TMEM232: variants seen among roughly 807,000 people sequenced by gnomAD.
TMEM232 encodes transmembrane protein 232.
TMEM232 carries 80 observed loss-of-function variants against 78.8 expected under a neutral mutation model. That is an observed-to-expected ratio of 1.01 (90% CI 0.85 to 1.22). The LOEUF is 1.22. Among genes scored for constraint, TMEM232 ranks in the 50% most tolerant of loss-of-function variants. TMEM232 has a pLI of 0.00. For synonymous variants in TMEM232, 297 were observed against 254.3 expected (o/e 1.17, Z -1.60); for missense variants, 881 against 742.2 (o/e 1.19, Z -2.17).
intron 1 of TMEM232, among the ~76,000 whole-genome samples, chr5:110,686,280 C>G (rs912850165): frequency 2.0e-5 from 3 of 151,984 alleles, no homozygotes; most frequent in African/African-American, 7.3e-5. Context: ...CAGTTTGCTC[C>G]TGGGTCTCTT....
At chr5:110,387,626 A>G (rs1467956380) in intron 5 of TMEM232, 2 of 152,218 alleles carry the variant, frequency 1.3e-5, no homozygotes, top group Non-Finnish European at 2.9e-5. Flanking sequence ...TGGAAAGAAT[A>G]GATTAAATAT....
intron 12 of TMEM232, among the ~76,000 whole-genome samples, chr5:110,501,100 T>G (rs1268373924): frequency 6.6e-6 from 1 of 152,206 alleles, no homozygotes; most frequent in Non-Finnish European, 1.5e-5. Flanking sequence ...GAAAGTGACA[T>G]TCTTCCCATT....
chr5:110,445,175 T>C (rs1206644750), intron 12 of TMEM232, among the ~76,000 whole-genome samples: 1 of 152,064 alleles, frequency 6.6e-6, no homozygotes, highest in Non-Finnish European at 1.5e-5. Flanking sequence ...CTGATTGCCT[T>C]CTACATTTTA....
chr5:110,460,401 G>A (rs1423828105), intron 12 of TMEM232, among the ~76,000 whole-genome samples: 1 of 151,942 alleles, frequency 6.6e-6, no homozygotes, highest in East Asian at 1.9e-4. Context: ...GTATATGGAT[G>A]CTCTCTATAG....
At chr5:110,587,911 G>A (rs1251695851) in intron 10 of TMEM232, among the ~76,000 whole-genome samples, 1 of 151,396 alleles carries the variant, frequency 6.6e-6, no homozygotes, top group East Asian at 1.9e-4. Context: ...ACAGAACAGT[G>A]AATGATTAAG....
chr5:110,539,162 A>G (rs1205512627), intron 11 of TMEM232, among the ~76,000 whole-genome samples: 6 of 152,226 alleles, frequency 3.9e-5, no homozygotes, highest in African/African-American at 1.4e-4. Flanking sequence ...AATCTAGGGA[A>G]GCCTAAAATA....
intron 12 of TMEM232, among the ~76,000 whole-genome samples, chr5:110,512,528 A>T (rs1191539077): frequency 6.6e-6 from 1 of 152,192 alleles, no homozygotes; most frequent in African/African-American, 2.4e-5. Context: ...TCTTGCTTAC[A>T]TTTAAATCCA....
chr5:110,500,020 G>C (rs887878430), intron 12 of TMEM232, among the ~76,000 whole-genome samples: 5 of 151,984 alleles, frequency 3.3e-5, no homozygotes, highest in Non-Finnish European at 7.4e-5. Flanking sequence ...GGCCAGGCGC[G>C]GTGGCTCACG....
At chr5:110,500,443 T>C (rs1766140173) in intron 12 of TMEM232, among the ~76,000 whole-genome samples, 1 of 152,014 alleles carries the variant, frequency 6.6e-6, no homozygotes, top group Non-Finnish European at 1.5e-5. Context: ...AGTTAAAACA[T>C]ACTTTTCAAT....
chr5:110,469,858 C>T (rs1276358034), intron 12 of TMEM232, among the ~76,000 whole-genome samples: 1 of 152,172 alleles, frequency 6.6e-6, no homozygotes, highest in Admixed American at 6.5e-5. Flanking sequence ...GACACCCTGC[C>T]TTACAGTCCA....
chr5:110,429,948 T>C (rs532074884), intron 12 of TMEM232: 4 of 151,916 alleles, frequency 2.6e-5, no homozygotes, highest in Admixed American at 2.6e-4. Flanking sequence ...TTAGTTCTAT[T>C]GCAATTTCTT....
chr5:110,650,190 T>C (rs1186128730), intron 2 of TMEM232, among the ~76,000 whole-genome samples: 3 of 152,022 alleles, frequency 2.0e-5, no homozygotes, highest in Non-Finnish European at 2.9e-5. Context: ...AAATTTTATA[T>C]TTATATATGA....
chr5:110,641,184 T>C (rs537960436), intron 3 of TMEM232, among the ~76,000 whole-genome samples, 188 bp from the exon 4 acceptor site: 9 of 152,260 alleles, frequency 5.9e-5, no homozygotes, highest in Admixed American at 5.2e-4. Flanking sequence ...CAAACTGTAT[T>C]AGTGTTAAGA....
intron 11 of TMEM232, among the ~76,000 whole-genome samples, chr5:110,563,290 G>A (rs1775963933): frequency 6.6e-6 from 1 of 151,672 alleles, no homozygotes; most frequent in South Asian, 2.1e-4. Flanking sequence ...ATTGACTTAT[G>A]AATTTCAAAT....
intron 12 of TMEM232, among the ~76,000 whole-genome samples, chr5:110,473,403 T>C (rs1762889194): frequency 1.3e-5 from 2 of 151,634 alleles, no homozygotes; most frequent in African/African-American, 2.4e-5. Context: ...CCAGATAAAA[T>C]GCAAAGTTAT....
chr5:110,636,559 A>G (rs1785864607), intron 5 of TMEM232, among the ~76,000 whole-genome samples: 2 of 152,122 alleles, frequency 1.3e-5, no homozygotes, highest in South Asian at 4.1e-4. Flanking sequence ...TCAATAGAAG[A>G]AAAAATAAGG....
At chr5:110,426,419 T>A (rs1757239032) in intron 12 of TMEM232, among the ~76,000 whole-genome samples, 5 of 152,046 alleles carry the variant, frequency 3.3e-5, no homozygotes. Context: ...GCTGAATGAT[T>A]AAATGAATAA....
At chr5:110,435,966 T>C (rs537556356) in intron 12 of TMEM232, among the ~76,000 whole-genome samples, 1 of 152,096 alleles carries the variant, frequency 6.6e-6, no homozygotes, top group South Asian at 2.1e-4. Context: ...ATTTCTTGAG[T>C]ATATATCCAA....
chr5:110,544,917 A>G (rs992233761), intron 11 of TMEM232, among the ~76,000 whole-genome samples: 6 of 152,138 alleles, frequency 3.9e-5, no homozygotes, highest in African/African-American at 1.4e-4. Flanking sequence ...GGTTTTAAGA[A>G]GGACTGATAT....
Sources: allele counts gnomAD v4.1 joint callset (sites outside exome capture counted in the v4.1 genomes callset), GRCh38; gene constraint gnomAD v4.1.1; transcripts MANE v1.5; gene names NCBI Gene and HGNC (gene_info 2026-07-23, HGNC 2026-07-21).